The following SUMF1 variants were observed in gnomAD, a reference collection of about 807,000 sequenced individuals.
The protein encoded by SUMF1 is formylglycine-generating enzyme.
A neutral mutation model predicts 47.6 loss-of-function variants in SUMF1; 48 were observed. That is an observed-to-expected ratio of 1.01 (90% confidence interval 0.80 to 1.28). SUMF1 has a LOEUF of 1.28. SUMF1 is among the 50% of genes most tolerant of loss of function. The pLI is 0.00. For synonymous variants in SUMF1, 230 were observed against 192.1 expected (o/e 1.20, Z -1.63); for missense variants, 571 against 485.4 (o/e 1.18, Z -1.66).
chr3:4,436,817 A>C (rs1019743506), intron 3 of SUMF1, among the ~76,000 whole-genome samples: 2 of 151,256 alleles, frequency 1.3e-5, no homozygotes, highest in Non-Finnish European at 2.9e-5. Flanking sequence ...TAAAGACAGG[A>C]GATAACCTTA....
chr3:4,218,914 T>C (rs1696001128), intron 8 of SUMF1, among the ~76,000 whole-genome samples: 2 of 152,168 alleles, frequency 1.3e-5, no homozygotes, highest in African/African-American at 4.8e-5. Flanking sequence ...TTCTCACTAT[T>C]AAACGCAGCC....
intron 8 of SUMF1, among the ~76,000 whole-genome samples, chr3:4,277,763 A>G (rs890218605): frequency 6.6e-6 from 1 of 152,152 alleles, no homozygotes; most frequent in Non-Finnish European, 1.5e-5. Context: ...CAGCAGTGTT[A>G]GAGTACCTCC....
intron 8 of SUMF1, among the ~76,000 whole-genome samples, chr3:4,265,031 G>A (rs1308257401): frequency 2.0e-5 from 3 of 151,750 alleles, no homozygotes; most frequent in African/African-American, 7.3e-5. Context: ...TGCTCAGGAG[G>A]CTGAGTGAGA....
chr3:4,074,590 C>T (rs565616676), intron 8 of SUMF1, among the ~76,000 whole-genome samples: 1 of 152,090 alleles, frequency 6.6e-6, no homozygotes, highest in African/African-American at 2.4e-5. Flanking sequence ...AGATAAACCA[C>T]TAGCAAGACT....
chr3:4,179,869 A>C (rs1433895189), intron 8 of SUMF1, among the ~76,000 whole-genome samples: 1 of 152,190 alleles, frequency 6.6e-6, no homozygotes, highest in African/African-American at 2.4e-5. Flanking sequence ...CAACCCCATC[A>C]AAAAGTGGGC....
intron 8 of SUMF1, chr3:4,313,767 T>C: frequency 6.2e-7 from 1 of 1,613,934 alleles, no homozygotes; most frequent in Non-Finnish European, 8.5e-7. Flanking sequence ...TTGAGGTGAG[T>C]CTGTTCAGTG....
At chr3:4,366,678 G>A (rs192387464) in intron 8 of SUMF1, among the ~76,000 whole-genome samples, 24 of 152,046 alleles carry the variant, frequency 1.6e-4, no homozygotes, top group Admixed American at 1.0e-3. Context: ...CCTGTAGCTC[G>A]GAGTAGTTCA....
chr3:4,353,876 T>G (rs1699562663), intron 8 of SUMF1, among the ~76,000 whole-genome samples: 2 of 152,064 alleles, frequency 1.3e-5, no homozygotes, highest in South Asian at 4.1e-4. Flanking sequence ...ATTTTTATGA[T>G]TTTTAGGGAC....
intron 9 of SUMF1, among the ~76,000 whole-genome samples, chr3:4,051,523 A>T (rs140447646): frequency 4.4e-4 from 67 of 152,326 alleles, no homozygotes; most frequent in African/African-American, 1.4e-3. Flanking sequence ...TTATGCCTCC[A>T]TACAGATGTT....
chr3:4,430,293 C>T (rs935919988), intron 3 of SUMF1, among the ~76,000 whole-genome samples: 2 of 152,138 alleles, frequency 1.3e-5, no homozygotes, highest in African/African-American at 4.8e-5. Context: ...TTCTGAGAAT[C>T]TTATCAAGTG....
At chr3:4,401,699 C>T (rs1297180150) in intron 7 of SUMF1, among the ~76,000 whole-genome samples, 2 of 152,192 alleles carry the variant, frequency 1.3e-5, no homozygotes, top group Non-Finnish European at 2.9e-5. Flanking sequence ...TTAACCATGG[C>T]TCTGTTATTC....
chr3:4,411,566 C>A (rs1408957202), intron 6 of SUMF1, among the ~76,000 whole-genome samples: 3 of 152,084 alleles, frequency 2.0e-5, no homozygotes, highest in Admixed American at 2.0e-4. Context: ...TCTCTGAAAC[C>A]TGAGTCTGAG....
chr3:4,464,121 C>T (rs1441929755), intron 1 of SUMF1, among the ~76,000 whole-genome samples: 1 of 152,198 alleles, frequency 6.6e-6, no homozygotes, highest in Non-Finnish European at 1.5e-5. Flanking sequence ...ATGTCACTCC[C>T]AGATCTTAAA....
intron 8 of SUMF1, among the ~76,000 whole-genome samples, chr3:4,086,228 A>C (rs77153202): frequency 3.3e-5 from 5 of 151,924 alleles, no homozygotes; most frequent in African/African-American, 1.2e-4. Flanking sequence ...AAAAAAAAAA[A>C]ACAGAATTAT....
At chr3:4,077,744 A>G (rs1692471353) in intron 8 of SUMF1, among the ~76,000 whole-genome samples, 1 of 152,124 alleles carries the variant, frequency 6.6e-6, no homozygotes, top group African/African-American at 2.4e-5. Flanking sequence ...AACATGGCAC[A>G]TGTACACATA....
chr3:4,218,681 A>T (rs1438231549), intron 8 of SUMF1, among the ~76,000 whole-genome samples: 1 of 152,218 alleles, frequency 6.6e-6, no homozygotes, highest in Non-Finnish European at 1.5e-5. Context: ...TGAGAGCATC[A>T]GTTTATAGAC....
chr3:4,208,420 T>C (rs976053892), intron 8 of SUMF1, among the ~76,000 whole-genome samples: 17 of 148,430 alleles, frequency 1.1e-4, no homozygotes, highest in African/African-American at 4.0e-4. Flanking sequence ...AGTTACCCAG[T>C]ATATCATGTC....
intron 8 of SUMF1, among the ~76,000 whole-genome samples, chr3:4,154,580 A>G (rs76177928): frequency 0.013 from 1,915 of 150,252 alleles, 121 homozygotes; most frequent in African/African-American, 0.046. Context: ...CAAAGGTCAC[A>G]TAGCTATGAA....
chr3:4,197,435 C>T (rs975141136), intron 8 of SUMF1, among the ~76,000 whole-genome samples: 1 of 152,008 alleles, frequency 6.6e-6, no homozygotes, highest in Non-Finnish European at 1.5e-5. Context: ...AAACTTACAC[C>T]ATGCTCTAAA....
Sources: allele counts gnomAD v4.1 joint callset (sites outside exome capture counted in the v4.1 genomes callset), GRCh38; gene constraint gnomAD v4.1.1; transcripts MANE v1.5; gene names NCBI Gene and HGNC (gene_info 2026-07-23, HGNC 2026-07-21).